Variants in SOX5 observed in about 807,000 individuals in gnomAD.
SOX5 encodes transcription factor SOX-5.
In SOX5, 9 loss-of-function variants were observed where a neutral mutation model predicts 92.0. The observed-to-expected ratio is 0.10, with a 90% CI of 0.06 to 0.17. The LOEUF (loss-of-function observed/expected upper bound fraction) is 0.17. Among genes scored for constraint, SOX5 ranks in the 10% least tolerant of loss-of-function variants. SOX5 has a pLI of 1.00. For synonymous variants in SOX5, 344 were observed against 336.3 expected (o/e 1.02, Z -0.25); for missense variants, 642 against 944.5 (o/e 0.68, Z 4.20).
intron 9 of SOX5, among the ~76,000 whole-genome samples, chr12:23,597,972 C>G (rs1952747222): frequency 6.6e-6 from 1 of 152,140 alleles, no homozygotes; most frequent in Admixed American, 6.6e-5. Context: ...ACAAAAGTAC[C>G]AGGCCCAACA....
At chr12:23,778,243 T>C (rs2095169340) in intron 3 of SOX5, among the ~76,000 whole-genome samples, 1 of 152,248 alleles carries the variant, frequency 6.6e-6, no homozygotes, top group African/African-American at 2.4e-5. Flanking sequence ...AAGAATAGTT[T>C]TCTATTCAAC....
chr12:23,561,921 C>A (rs542328215), intron 11 of SOX5, among the ~76,000 whole-genome samples: 1 of 151,936 alleles, frequency 6.6e-6, no homozygotes, highest in East Asian at 1.9e-4. Context: ...GCTATGCTTG[C>A]GAGGAATAGC....
intron 1 of SOX5, among the ~76,000 whole-genome samples, chr12:24,507,763 G>C (rs1045100733): frequency 1.3e-5 from 2 of 152,010 alleles, no homozygotes; most frequent in African/African-American, 4.8e-5. Context: ...TCTTGAATTT[G>C]CTTTAAAATA....
intron 4 of SOX5, among the ~76,000 whole-genome samples, chr12:24,001,945 C>T (rs995868011): frequency 6.6e-5 from 10 of 151,618 alleles, no homozygotes; most frequent in African/African-American, 2.4e-4. Context: ...GCCTGGGAGA[C>T]AAAGTGAAGC....
intron 5 of SOX5, among the ~76,000 whole-genome samples, chr12:23,735,040 G>A (rs1424929931): frequency 6.6e-6 from 1 of 152,144 alleles, no homozygotes; most frequent in Non-Finnish European, 1.5e-5. Flanking sequence ...CCTCTTCCTA[G>A]TGATATATTA....
intron 13 of SOX5, among the ~76,000 whole-genome samples, chr12:23,542,148 T>C (rs1479396985): frequency 6.6e-6 from 1 of 152,224 alleles, no homozygotes; most frequent in Non-Finnish European, 1.5e-5. Context: ...CATTTATAGA[T>C]GATCTGTAAT....
At chr12:23,978,295 A>G (rs1949145785) in intron 4 of SOX5, among the ~76,000 whole-genome samples, 2 of 152,214 alleles carry the variant, frequency 1.3e-5, no homozygotes, top group Non-Finnish European at 2.9e-5. Flanking sequence ...AAATTTAAAA[A>G]ATGAGTCTAA....
At chr12:24,237,789 C>T (rs891634708) in intron 3 of SOX5, 1 of 152,174 alleles carries the variant, frequency 6.6e-6, no homozygotes, top group Non-Finnish European at 1.5e-5. Flanking sequence ...TATGGATTAA[C>T]TTTGCCTGAT....
intron 1 of SOX5, among the ~76,000 whole-genome samples, chr12:24,490,260 T>C (rs1425438092): frequency 6.6e-6 from 1 of 152,224 alleles, no homozygotes; most frequent in Non-Finnish European, 1.5e-5. Context: ...ATTCAGATTT[T>C]AGTTTGAACT....
intron 1 of SOX5, among the ~76,000 whole-genome samples, chr12:24,488,593 A>T (rs1946752287): frequency 6.6e-6 from 1 of 152,202 alleles, no homozygotes; most frequent in Non-Finnish European, 1.5e-5. Flanking sequence ...CTCAGAAAAA[A>T]AATCTACAAA....
chr12:23,596,628 T>C (rs1347405635), intron 9 of SOX5, among the ~76,000 whole-genome samples: 1 of 152,150 alleles, frequency 6.6e-6, no homozygotes, highest in Non-Finnish European at 1.5e-5. Context: ...CAATGATCAA[T>C]AGTTTAGCAT....
intron 4 of SOX5, among the ~76,000 whole-genome samples, chr12:24,200,317 C>T (rs1957393437): frequency 6.6e-6 from 1 of 152,120 alleles, no homozygotes; most frequent in African/African-American, 2.4e-5. Context: ...TCTTAGAGTC[C>T]TTACTACTCT....
intron 4 of SOX5, among the ~76,000 whole-genome samples, chr12:24,211,014 T>C (rs1354031516): frequency 5.3e-5 from 8 of 152,194 alleles, no homozygotes; most frequent in African/African-American, 1.7e-4. Context: ...GGTCCTATTA[T>C]GGTCTACCAG....
chr12:24,519,055 G>A (rs866608400), intron 1 of SOX5, among the ~76,000 whole-genome samples: 10 of 152,080 alleles, frequency 6.6e-5, no homozygotes, highest in African/African-American at 1.9e-4. Context: ...TTTTGGGTAC[G>A]TGCCTAGAAA....
At chr12:23,669,403 G>A (rs2084380668) in intron 6 of SOX5, among the ~76,000 whole-genome samples, 1 of 152,032 alleles carries the variant, frequency 6.6e-6, no homozygotes, top group Non-Finnish European at 1.5e-5. Context: ...GCTAGGAATG[G>A]CAAAAAATAT....
intron 1 of SOX5, among the ~76,000 whole-genome samples, chr12:24,518,268 C>T (rs1597516708): frequency 6.6e-6 from 1 of 151,944 alleles, no homozygotes; most frequent in Admixed American, 6.6e-5. Flanking sequence ...GGGGTTTCAC[C>T]ATGTTGGCCA....
chr12:24,486,156 C>T (rs138486524), intron 1 of SOX5, among the ~76,000 whole-genome samples: 11 of 152,182 alleles, frequency 7.2e-5, no homozygotes, highest in East Asian at 3.9e-4. Flanking sequence ...AGGCCAGTCT[C>T]GAACTCCTGG....
At chr12:24,295,413 C>G (rs1449626039) in intron 2 of SOX5, among the ~76,000 whole-genome samples, 6 of 152,192 alleles carry the variant, frequency 3.9e-5, no homozygotes, top group Non-Finnish European at 8.8e-5. Context: ...AAGACACCCC[C>G]AAACACTTTA....
chr12:23,816,918 CTCTCA>C (rs2142578874), intron 3 of SOX5, among the ~76,000 whole-genome samples: 1 of 152,304 alleles, frequency 6.6e-6, no homozygotes, highest in South Asian at 2.1e-4. Flanking sequence ...AACAGTTCTA[CTCTCA>C]TATCACTGAG....
Sources: gnomAD v4.1 joint callset for allele counts (sites outside exome capture counted in the v4.1 genomes callset) on GRCh38, gnomAD v4.1.1 for gene constraint, MANE v1.5 for transcripts, NCBI Gene and HGNC (gene_info 2026-07-23, HGNC 2026-07-21) for gene names.